KDM7A: variants seen among roughly 807,000 people sequenced by gnomAD.
KDM7A encodes the protein lysine demethylase 7A.
A neutral mutation model predicts 114.8 loss-of-function variants in KDM7A; 28 were observed. That is an observed-to-expected ratio of 0.24 (90% confidence interval 0.18 to 0.33). The LOEUF (loss-of-function observed/expected upper bound fraction) is 0.33. KDM7A is among the 10% of genes least tolerant of loss of function. The pLI is 1.00. For synonymous variants in KDM7A, 423 were observed against 397.8 expected, an observed-to-expected ratio of 1.06 and a Z score of -0.75; for missense variants, 942 against 1,142.5, an observed-to-expected ratio of 0.82 and a Z score of 2.53.
chr7:140,154,748 C>T (rs957774581), intron 1 of KDM7A, among the ~76,000 whole-genome samples: 59 of 151,366 alleles, frequency 3.9e-4, no homozygotes, highest in Non-Finnish European at 7.4e-4. Context: ...CTCTCTCTCC[C>T]TTTTTTTTTC....
intron 11 of KDM7A, among the ~76,000 whole-genome samples, chr7:140,110,452 T>C (rs1818412872): frequency 1.3e-5 from 2 of 152,184 alleles, no homozygotes; most frequent in Admixed American, 1.3e-4. Context: ...CCTCTTTCCA[T>C]TCTCCAAACA....
At chr7:140,099,204 T>C (rs979175519) in intron 13 of KDM7A, among the ~76,000 whole-genome samples, 171 bp from the exon 14 acceptor site, 3 of 152,158 alleles carry the variant, frequency 2.0e-5, no homozygotes, top group East Asian at 1.9e-4. Context: ...TTTTTTGTTT[T>C]TGTTTTTTGA....
intron 1 of KDM7A, among the ~76,000 whole-genome samples, chr7:140,141,093 T>C (rs1794266751): frequency 6.6e-6 from 1 of 152,110 alleles, no homozygotes. Flanking sequence ...ACAAAAACTA[T>C]GCAAAGCTTC....
intron 1 of KDM7A, among the ~76,000 whole-genome samples, chr7:140,173,722 T>G (rs1056562930): frequency 1.3e-5 from 2 of 152,144 alleles, no homozygotes; most frequent in Non-Finnish European, 2.9e-5. Context: ...TCAATTCTCA[T>G]GGAAGCAAAT....
intron 9 of KDM7A, among the ~76,000 whole-genome samples, chr7:140,113,999 G>C (rs1449377585): frequency 2.0e-5 from 3 of 151,900 alleles, no homozygotes; most frequent in Non-Finnish European, 2.9e-5. Context: ...AATATAGAAA[G>C]GTTTCAAATA....
chr7:140,123,053 T>C (rs576310167), intron 7 of KDM7A, among the ~76,000 whole-genome samples: 4 of 152,282 alleles, frequency 2.6e-5, no homozygotes, highest in African/African-American at 7.2e-5. Context: ...GCAAAGGGTT[T>C]GAATAGACAT....
intron 4 of KDM7A, among the ~76,000 whole-genome samples, chr7:140,129,136 G>A (rs1244304700): frequency 6.6e-6 from 1 of 152,156 alleles, no homozygotes; most frequent in Non-Finnish European, 1.5e-5. Flanking sequence ...TGGGAATTTT[G>A]CACCTGTATT....
At chr7:140,171,500 A>G (rs927498957) in intron 1 of KDM7A, among the ~76,000 whole-genome samples, 2 of 132,148 alleles carry the variant, frequency 1.5e-5, no homozygotes, top group Non-Finnish European at 3.2e-5. Context: ...ATTTATATAC[A>G]TATTTTATAT....
At position 140,127,466 on chromosome 7, in the gene KDM7A, A is replaced by G; in HGVS notation, c.677T>C (p.Ile226Thr). Residue 226 changes from isoleucine (I) to threonine (T), a missense_variant, in exon 5 of 20, where the codon ATC becomes ACC. Ile to Thr is a moderately conservative substitution (Grantham distance 89). This residue lies in a region of KDM7A where 318 missense variants were observed against 453.1 expected (regional missense o/e 0.70). Transcript: ENST00000397560. The part of the protein sequence containing the change: ...NPNRPKVLNV[I>T]SLEFSDTKMS... ...CTTTGTATCTGAAAATTCAAGGCTG[A>G]TCACATTTAACACTTTTGGTCTGTT... is the stretch of plus-strand genomic sequence containing the variant. 1 of 1,613,406 alleles carries G rather than the reference A, an allele frequency of 6.2e-7. No individual in the cohort carries two copies. The highest frequency in any genetic ancestry group is 8.5e-7 in the Non-Finnish European group (1 of 1,179,778).
intron 1 of KDM7A, among the ~76,000 whole-genome samples, chr7:140,145,900 G>A (rs1462271610): frequency 6.6e-6 from 1 of 152,072 alleles, no homozygotes; most frequent in African/African-American, 2.4e-5. Context: ...ACTCCCATGA[G>A]GGTTAGGGAA....
chr7:140,106,207 T>G (rs1301171968), intron 11 of KDM7A, among the ~76,000 whole-genome samples: 1 of 152,220 alleles, frequency 6.6e-6, no homozygotes, highest in African/African-American at 2.4e-5. Context: ...TAGCAGTCTA[T>G]CAATTTTGTT....
intron 11 of KDM7A, among the ~76,000 whole-genome samples, chr7:140,110,842 T>C (rs1328751886): frequency 6.6e-6 from 1 of 152,222 alleles, no homozygotes. Flanking sequence ...CTCTGTATTT[T>C]TGATTTTTTT....
chr7:140,166,401 G>C (rs2116855451), intron 1 of KDM7A, among the ~76,000 whole-genome samples: 1 of 147,164 alleles, frequency 6.8e-6, no homozygotes, highest in East Asian at 2.0e-4. Flanking sequence ...GTGCACTGGT[G>C]GGATCATGGC....
chr7:140,121,212 G>A (rs1291392119), intron 7 of KDM7A, among the ~76,000 whole-genome samples: 2 of 152,136 alleles, frequency 1.3e-5, no homozygotes, highest in African/African-American at 4.8e-5. Flanking sequence ...ATGATATTTT[G>A]TATTCCCATA....
intron 11 of KDM7A, among the ~76,000 whole-genome samples, chr7:140,104,654 C>G (rs982313928): frequency 2.0e-5 from 3 of 152,124 alleles, no homozygotes; most frequent in Admixed American, 2.0e-4. Flanking sequence ...TGGTCTGTAT[C>G]TCTGTTTTGG....
In KDM7A at chr7:140,133,525, G is replaced by C; in HGVS notation, c.398+14C>G. 7.3e-7 allele frequency: 1 copy of C among 1,366,128 alleles called. No individual in the cohort carries two copies. The highest frequency in any genetic ancestry group is 1.2e-5 in the South Asian group (1 of 84,840). The allele number at this position is 1,366,128 out of a possible 1,614,324, so 84.6% of individuals were successfully genotyped here. ...CATTCTTACATTTTCTTTTATCAGA[G>C]TAAGTTTCCATACCTTGGGAAGACT... On this transcript the variant is annotated intron_variant, in intron 3 of 19. Coordinates refer to ENST00000397560, the MANE Select transcript of KDM7A (RefSeq NM_030647.2).
chr7:140,092,419 G>T (rs553429000), intron 18 of KDM7A, among the ~76,000 whole-genome samples: 4 of 152,150 alleles, frequency 2.6e-5, no homozygotes, highest in Non-Finnish European at 5.9e-5. Context: ...CACTTCCCTG[G>T]CAAGTCACAG....
chr7:140,169,477 C>G (rs988037142), intron 1 of KDM7A, among the ~76,000 whole-genome samples: 2 of 152,230 alleles, frequency 1.3e-5, no homozygotes, highest in African/African-American at 4.8e-5. Context: ...CCGAAAAATA[C>G]AGAACAGGAG....
At chr7:140,134,083 C>T (rs953704248) in intron 2 of KDM7A, among the ~76,000 whole-genome samples, 1 of 152,176 alleles carries the variant, frequency 6.6e-6, no homozygotes, top group South Asian at 2.1e-4. Flanking sequence ...CTAATAGCAT[C>T]ATTCCTTCCT....
Sources: allele counts gnomAD v4.1 joint callset (sites outside exome capture counted in the v4.1 genomes callset), GRCh38; gene constraint gnomAD v4.1.1; regional missense constraint gnomAD v4.1.1; transcripts MANE v1.5; gene names NCBI Gene and HGNC (gene_info 2026-07-23, HGNC 2026-07-21).